GPHN: variants seen among roughly 807,000 people sequenced by gnomAD.
GPHN encodes gephyrin.
GPHN carries 17 observed loss-of-function variants against 95.5 expected under a neutral mutation model. That is an observed-to-expected ratio of 0.18 (90% confidence interval 0.12 to 0.27). GPHN has a LOEUF of 0.27. Among genes scored for constraint, GPHN ranks in the 10% least tolerant of loss-of-function variants. The pLI, the probability that GPHN is intolerant of heterozygous loss-of-function variation, is 1.00. For missense variants in GPHN, 660 were observed against 978.1 expected, an observed-to-expected ratio of 0.67 and a Z score of 4.34; for synonymous variants, 320 against 322.5, an observed-to-expected ratio of 0.99 and a Z score of 0.08.
chr14:66,835,484 A>G (rs1168261486), intron 4 of GPHN, among the ~76,000 whole-genome samples: 3 of 151,948 alleles, frequency 2.0e-5, no homozygotes, highest in Non-Finnish European at 4.4e-5. Flanking sequence ...CCCACAGCCA[A>G]TATCATACTG....
intron 11 of GPHN, among the ~76,000 whole-genome samples, chr14:67,076,933 C>G (rs746499548): frequency 3.3e-5 from 5 of 152,148 alleles, no homozygotes; most frequent in Non-Finnish European, 7.4e-5. Context: ...ACTTAGAGCT[C>G]TCCCTTAACT....
intron 1 of GPHN, among the ~76,000 whole-genome samples, chr14:66,531,367 G>A (rs1224873189): frequency 3.9e-5 from 6 of 152,032 alleles, no homozygotes; most frequent in South Asian, 2.1e-4. Flanking sequence ...CCTGGGAGGC[G>A]GAGGTTGCAG....
the GPHN span, among the ~76,000 whole-genome samples, chr14:67,717,648 A>G: frequency 6.6e-6 from 1 of 152,202 alleles, no homozygotes; most frequent in African/African-American, 2.4e-5. Context: ...GCCAGGAGAC[A>G]TTTTTGGTTG....
At chr14:66,732,665 C>T (rs1299768939) in intron 2 of GPHN, among the ~76,000 whole-genome samples, 2 of 149,042 alleles carry the variant, frequency 1.3e-5, no homozygotes. Context: ...TACAGGCACG[C>T]ACTACCACAC....
intron 1 of GPHN, among the ~76,000 whole-genome samples, chr14:66,579,946 A>G (rs1029200497): frequency 4.6e-5 from 7 of 151,844 alleles, no homozygotes; most frequent in Non-Finnish European, 1.0e-4. Context: ...TATGCTAAAC[A>G]TTCTCCAGGG....
At chr14:66,961,626 G>GA (rs2068906037) in intron 8 of GPHN, among the ~76,000 whole-genome samples, 2 of 151,372 alleles carry the variant, frequency 1.3e-5, no homozygotes. Context: ...GACTTCACGA[G>GA]AAAAAATCTA....
chr14:67,358,778 C>T, the GPHN span, among the ~76,000 whole-genome samples: 1 of 152,162 alleles, frequency 6.6e-6, no homozygotes, highest in African/African-American at 2.4e-5. Flanking sequence ...TTTGAGAAAA[C>T]GTCAAAATTT....
intron 1 of GPHN, among the ~76,000 whole-genome samples, chr14:66,598,326 G>C (rs1015315380): frequency 6.6e-6 from 1 of 152,010 alleles, no homozygotes; most frequent in Admixed American, 6.6e-5. Flanking sequence ...ATGTTAAATA[G>C]CTTGATTTAG....
the GPHN span, chr14:67,592,811 A>T: frequency 3.4e-5 from 28 of 828,166 alleles, 1 homozygote; most frequent in South Asian, 4.3e-4. Context: ...TTTGAGACAG[A>T]GTCTCTCTCT....
the GPHN span, chr14:67,224,843 G>A: frequency 3.2e-6 from 1 of 308,928 alleles, no homozygotes; most frequent in African/African-American, 2.2e-5. Context: ...AAGCAGCCAG[G>A]TTCATTCTTT....
In GPHN at chr14:66,664,857, A is replaced by G. The variant is rs2065855612; in HGVS notation, c.65-16250A>G. Among the ~76,000 whole-genome samples, 2 of 152,118 alleles carry G rather than the reference A, an allele frequency of 1.3e-5. 1 individual carries two copies. The highest frequency in any genetic ancestry group is 4.1e-4 in the South Asian group (2 of 4,830). Reference sequence around the variant, plus strand: ...ATAAACACCTCTATCTGTATCAACTAGAAAATCTAGAATAAATGGATAAAT... The same window carrying G: ...ATAAACACCTCTATCTGTATCAACTGGAAAATCTAGAATAAATGGATAAAT... On this transcript the variant is annotated intron_variant, in intron 1 of 22. Transcript: ENST00000478722.
intron 17 of GPHN, among the ~76,000 whole-genome samples, chr14:67,134,948 TTCTTC>T (rs2079965532): frequency 7.3e-6 from 1 of 136,532 alleles, no homozygotes; most frequent in African/African-American, 2.8e-5. Flanking sequence ...CTTTCTTTCT[TTCTTC>T]TTTTTTTTTT....
At chr14:66,839,936 C>T (rs778443743) in intron 4 of GPHN, among the ~76,000 whole-genome samples, 4 of 152,190 alleles carry the variant, frequency 2.6e-5, no homozygotes, top group East Asian at 1.9e-4. Flanking sequence ...ATGAATATCA[C>T]CCTCTTTAAT....
At chr14:66,760,166 A>G (rs1017554484) in intron 2 of GPHN, among the ~76,000 whole-genome samples, 1 of 152,166 alleles carries the variant, frequency 6.6e-6, no homozygotes, top group African/African-American at 2.4e-5. Context: ...TACAATTACT[A>G]TATGTGTTTT....
intron 9 of GPHN, among the ~76,000 whole-genome samples, chr14:67,003,681 G>A (rs990442809): frequency 2.0e-5 from 3 of 151,650 alleles, no homozygotes; most frequent in Non-Finnish European, 3.0e-5. Context: ...TATTAAAGAT[G>A]TATGCCAATA....
the GPHN span, among the ~76,000 whole-genome samples, chr14:67,464,685 T>C: frequency 2.6e-5 from 4 of 152,234 alleles, no homozygotes; most frequent in African/African-American, 9.6e-5. Flanking sequence ...TAGCATCTCT[T>C]CTGGCAGACC....
the GPHN span, among the ~76,000 whole-genome samples, chr14:67,441,261 G>A: frequency 6.6e-6 from 1 of 152,164 alleles, no homozygotes; most frequent in Non-Finnish European, 1.5e-5. Flanking sequence ...TGAGGCAAAT[G>A]TCATTTCCTG....
chr14:67,329,345 T>G, the GPHN span, among the ~76,000 whole-genome samples: 1 of 152,236 alleles, frequency 6.6e-6, no homozygotes, highest in African/African-American at 2.4e-5. Flanking sequence ...GAGACTTTGC[T>G]GAAGTTGCTT....
the GPHN span, among the ~76,000 whole-genome samples, chr14:67,339,085 C>T: frequency 6.6e-6 from 1 of 150,732 alleles, no homozygotes; most frequent in Admixed American, 6.6e-5. Flanking sequence ...ACAACCTCCA[C>T]CTTTGCGTTC....
Sources: allele counts gnomAD v4.1 joint callset (sites outside exome capture counted in the v4.1 genomes callset), GRCh38; gene constraint gnomAD v4.1.1; transcripts MANE v1.5; gene names NCBI Gene and HGNC (gene_info 2026-07-23, HGNC 2026-07-21).